Variants in GBP7 observed in about 807,000 individuals in gnomAD.
GBP7 encodes the protein guanylate binding protein 7.
In GBP7, 43 loss-of-function variants were observed where a neutral mutation model predicts 61.3. The observed-to-expected ratio is 0.70, with a 90% confidence interval of 0.55 to 0.91. The LOEUF (loss-of-function observed/expected upper bound fraction) is 0.91. GBP7 is among the 40% of genes least tolerant of loss of function. The probability of loss-of-function intolerance (pLI) is 0.00; values close to 1 mark genes in which losing one functional copy is unlikely to be tolerated. For synonymous variants in GBP7, 267 were observed against 271.0 expected (o/e 0.99, Z 0.14); for missense variants, 717 against 740.5 (o/e 0.97, Z 0.37).
At position 89,172,428 on chromosome 1, in the gene GBP7, C is replaced by T. The variant is rs145876615; in HGVS notation, c.-19-474G>A. Reference sequence around the variant, plus strand: ...AGTTCGTTATTCGTTCTTTGTCTTTCATGTCTTTGACATTTTAGAATAGCA... The same window carrying T: ...AGTTCGTTATTCGTTCTTTGTCTTTTATGTCTTTGACATTTTAGAATAGCA... On this transcript the variant is annotated intron_variant, in intron 1 of 10. Transcript: ENST00000294671. Among the ~76,000 whole-genome samples the T allele has an allele frequency of 8.7e-3, 1,318 of 152,304 alleles. 9 individuals are homozygous for T. Among genetic ancestry groups the T allele is most frequent in the Middle Eastern group, 0.02 (6 of 294 alleles).
intron 3 of GBP7, among the ~76,000 whole-genome samples, chr1:89,162,311 A>C (rs547582488): frequency 9.8e-5 from 15 of 152,314 alleles, no homozygotes; most frequent in African/African-American, 1.4e-4. Context: ...TAATTCTGTG[A>C]AGAATCTCAA....
Position 89,132,088 on chromosome 1 carries a change from G to T in GBP7, c.*61C>A. The T allele has an allele frequency of 1.5e-6, 2 of 1,347,584 alleles. No individual in the cohort carries two copies. Among genetic ancestry groups the T allele is most frequent in the South Asian group, 3.0e-5 (2 of 66,374 alleles). The allele number at this position is 1,347,584 out of a possible 1,614,324, so 83.5% of individuals were successfully genotyped here. On this transcript the variant is annotated 3_prime_UTR_variant, in exon 11 of 11. Transcript: ENST00000294671. ...TTTTAAACTTTTCTTAAATGAAACT[G>T]CAATAACACATATACTTTTAAAATG...
At position 89,161,298 on chromosome 1, in the gene GBP7, A is replaced by G. The variant is rs1000215124; in HGVS notation, c.318+3433T>C. On this transcript the variant is annotated intron_variant, in intron 3 of 10. Coordinates refer to ENST00000294671, the MANE Select transcript of GBP7 (RefSeq NM_207398.3). ...CTTTGGGTACATACCCAGTAATGGC[A>G]TTGCTGGGTCAAATGGTAGTTCTGT... Among the ~76,000 whole-genome samples, 4 of 152,176 alleles carry G rather than the reference A, an allele frequency of 2.6e-5. No homozygotes were observed. The South Asian group carries it at 6.2e-4, about 24-fold the overall frequency.
intron 9 of GBP7, among the ~76,000 whole-genome samples, chr1:89,137,564 C>T (rs1265848316): frequency 6.6e-6 from 1 of 151,954 alleles, no homozygotes; most frequent in African/African-American, 2.4e-5. Flanking sequence ...AGATGATCTT[C>T]TCAATGGGCA....
rs71084939 is a variant in GBP7, at chr1:89,144,952, C to CT, written c.1365+2614dup. Among the ~76,000 whole-genome samples the CT allele has an allele frequency of 1.0e-3, 99 of 99,100 alleles. 1 individual carries two copies. Among genetic ancestry groups the CT allele is most frequent in the East Asian group, 5.8e-3 (20 of 3,466 alleles). 65.0% of individuals were successfully genotyped at this position (99,100 alleles called of 152,430 possible). On this transcript the variant is annotated intron_variant, in intron 8 of 10. Coordinates refer to ENST00000294671, the MANE Select transcript of GBP7 (RefSeq NM_207398.3). ...ACTCTCTGTTAATGTGACTTTCACTCTTTTTTTTTTTTTTTTTTTGAGACG... is the reference window on the plus strand; with the variant it reads ...ACTCTCTGTTAATGTGACTTTCACTCTTTTTTTTTTTTTTTTTTTTGAGACG...
At chr1:89,160,765 A>T (rs1057282484) in intron 3 of GBP7, among the ~76,000 whole-genome samples, 1 of 152,150 alleles carries the variant, frequency 6.6e-6, no homozygotes, top group Non-Finnish European at 1.5e-5. Context: ...ACTTAAAAAA[A>T]TTTCTTTTGA....
chr1:89,167,041 T>C (rs142884541), intron 2 of GBP7, among the ~76,000 whole-genome samples: 85 of 152,368 alleles, frequency 5.6e-4, no homozygotes, highest in African/African-American at 1.9e-3. Context: ...GAATTTGGTA[T>C]GCATATGGTC....
chr1:89,149,274 A>G lies in GBP7; in HGVS notation c.1152+18T>C. 2 of 1,576,320 alleles carry G rather than the reference A, an allele frequency of 1.3e-6. No individual in the cohort carries two copies. The highest frequency in any genetic ancestry group is 1.9e-5 in the Admixed American group (1 of 53,868). On this transcript the variant is annotated intron_variant, in intron 7 of 10. Transcript: ENST00000294671. ...CAGAAAGGCAGGAATCAAGAAAAAA[A>G]AAAATAACAAAGATTACCACAAGCT...
Position 89,147,765 on chromosome 1 carries a change from T to C in GBP7, c.1167A>G (p.Lys389=), listed in dbSNP as rs752510847. The C allele has an allele frequency of 6.2e-7, 1 of 1,614,120 alleles. No individual in the cohort carries two copies. The part of the protein sequence containing the change: ...FQKKLVDTME[K]KKEDFVLQNE... ...TCTGCAGCACAAAGTCTTCCTTCTT[T>C]TTCTCCATGGTGTCCTGCCAGAAAA... is the stretch of plus-strand genomic sequence containing the variant. The change falls in exon 8 of 11, where the codon AAA becomes AAG. Residue 389 remains lysine, a synonymous_variant. Coordinates refer to ENST00000294671, the MANE Select transcript of GBP7 (RefSeq NM_207398.3).
chr1:89,162,179 T>C (rs990229884), intron 3 of GBP7, among the ~76,000 whole-genome samples: 2 of 152,194 alleles, frequency 1.3e-5, no homozygotes, highest in Non-Finnish European at 2.9e-5. Flanking sequence ...ACTGTAGCCC[T>C]GTAGTATAGT....
At chr1:89,165,655 A>G (rs774106878) in intron 2 of GBP7, among the ~76,000 whole-genome samples, 5 of 152,118 alleles carry the variant, frequency 3.3e-5, no homozygotes, top group Non-Finnish European at 7.4e-5. Flanking sequence ...ATTCTCAGCA[A>G]GCTAACGCAG....
chr1:89,133,713 C>T (rs1273489261), intron 9 of GBP7, among the ~76,000 whole-genome samples: 4 of 152,190 alleles, frequency 2.6e-5, no homozygotes, highest in African/African-American at 9.7e-5. Flanking sequence ...TAATCCTGAG[C>T]AGCTCCTGGG....
intron 7 of GBP7, 67 bp from the exon 8 acceptor site, chr1:89,147,846 C>T: frequency 6.5e-7 from 1 of 1,529,970 alleles, no homozygotes; most frequent in Non-Finnish European, 9.0e-7. Flanking sequence ...AACTGTGATC[C>T]TCTTGGAAGA....
At chr1:89,157,513 A>G (rs1682344015) in intron 3 of GBP7, among the ~76,000 whole-genome samples, 1 of 149,364 alleles carries the variant, frequency 6.7e-6, no homozygotes. Flanking sequence ...ATAAAAAACG[A>G]TATAGGGCAT....
intron 6 of GBP7, among the ~76,000 whole-genome samples, chr1:89,149,997 AC>A (rs1682155631): frequency 6.6e-6 from 1 of 152,168 alleles, no homozygotes; most frequent in South Asian, 2.1e-4. Context: ...AGAACATCAA[AC>A]CCTGTGAGAA....
At chr1:89,172,206 C>T (rs1016064443) in intron 1 of GBP7, among the ~76,000 whole-genome samples, 5 of 152,108 alleles carry the variant, frequency 3.3e-5, no homozygotes, top group African/African-American at 4.8e-5. Context: ...CCTGGCTTCC[C>T]CTAATGTCGA....
At chr1:89,164,640 G>C in intron 3 of GBP7, 91 bp downstream of exon 3, 1 of 1,245,978 alleles carries the variant, frequency 8.0e-7, no homozygotes, top group Non-Finnish European at 1.1e-6. Flanking sequence ...TGTGATTCAG[G>C]AATAGGCCAG....
intron 2 of GBP7, among the ~76,000 whole-genome samples, chr1:89,168,353 G>C (rs149053674): frequency 3.3e-5 from 5 of 152,216 alleles, no homozygotes; most frequent in Non-Finnish European, 7.4e-5. Context: ...AGTAATAATA[G>C]GTCTCTCTGT....
chr1:89,164,108 G>A (rs993496403), intron 3 of GBP7, among the ~76,000 whole-genome samples: 1 of 152,154 alleles, frequency 6.6e-6, no homozygotes, highest in Non-Finnish European at 1.5e-5. Context: ...GACCTCAGAT[G>A]GTCCACCCGC....
Sources: gnomAD v4.1 joint callset for allele counts (sites outside exome capture counted in the v4.1 genomes callset) on GRCh38, gnomAD v4.1.1 for gene constraint, MANE v1.5 for transcripts, NCBI Gene and HGNC (gene_info 2026-07-23, HGNC 2026-07-21) for gene names.